PPFIBP2: variants seen among roughly 807,000 people sequenced by gnomAD.
PPFIBP2 encodes the protein PPFIB scaffold protein 2, also known as liprin-beta-2.
PPFIBP2 carries 118 observed loss-of-function variants against 118.3 expected under a neutral mutation model. The observed-to-expected ratio is 1.00, with a 90% CI of 0.86 to 1.16. PPFIBP2 has a LOEUF of 1.16. Among genes scored for constraint, PPFIBP2 ranks in the 50% most tolerant of loss-of-function variants. PPFIBP2 has a pLI of 0.00. For missense variants in PPFIBP2, 1,195 were observed against 1,073.1 expected (o/e 1.11, Z -1.59); for synonymous variants, 414 against 397.4 (o/e 1.04, Z -0.50).
chr11:7,666,040 T>C, the PPFIBP2 span: 1 of 816,632 alleles, frequency 1.2e-6, no homozygotes, highest in Non-Finnish European at 2.0e-6. Context: ...CTGCAGCAGC[T>C]GTCTGGGGGC....
At chr11:7,608,862 T>C (rs1847725689) in intron 5 of PPFIBP2, among the ~76,000 whole-genome samples, 1 of 152,218 alleles carries the variant, frequency 6.6e-6, no homozygotes, top group Non-Finnish European at 1.5e-5. Context: ...AGTTCTCCAT[T>C]GCATTGGACG....
intron 4 of PPFIBP2, among the ~76,000 whole-genome samples, chr11:7,596,386 C>CT (rs1403097809): frequency 7.8e-5 from 9 of 114,804 alleles, no homozygotes; most frequent in African/African-American, 3.1e-4. Context: ...AGAGCCCGTT[C>CT]TTGTTTTTTT....
chr11:7,612,227 G>T (rs971296046), intron 6 of PPFIBP2, among the ~76,000 whole-genome samples: 5 of 152,216 alleles, frequency 3.3e-5, no homozygotes, highest in South Asian at 2.1e-4. Flanking sequence ...GTTCTCCCCA[G>T]GTGGTGACAG....
At chr11:7,665,753 C>T in the PPFIBP2 span, 1 of 1,357,926 alleles carries the variant, frequency 7.4e-7, no homozygotes, top group East Asian at 2.5e-5. Context: ...AGGCTCACTG[C>T]AGGGACCCTG....
chr11:7,567,520 C>A (rs991427158), intron 3 of PPFIBP2, among the ~76,000 whole-genome samples: 9 of 152,202 alleles, frequency 5.9e-5, no homozygotes, highest in African/African-American at 1.9e-4. Flanking sequence ...CATCACTAAC[C>A]TATGCATGGC....
intron 6 of PPFIBP2, among the ~76,000 whole-genome samples, chr11:7,614,715 T>C (rs774826098): frequency 8.5e-5 from 13 of 152,142 alleles, no homozygotes; most frequent in Non-Finnish European, 1.9e-4. Context: ...ATGTAATGTA[T>C]ATAAACTGAG....
rs762152994 is a variant in PPFIBP2 at position 7,648,477 on chromosome 11, C to T, written c.1737C>T (p.Ala579=). The change falls in exon 18 of 24, where the codon GCC becomes GCT. Residue 579 remains alanine (A), a synonymous_variant. Coordinates refer to ENST00000299492, the MANE Select transcript of PPFIBP2 (RefSeq NM_003621.5). Reference sequence around the variant, plus strand: ...GCCTGGCTCAGTATGTGATCTTTGCCAGGCAGTGGGTATCTTCTGGCCACA... The same window carrying T: ...GCCTGGCTCAGTATGTGATCTTTGCTAGGCAGTGGGTATCTTCTGGCCACA... ...DFGLAQYVIF[A]RQWVSSGHTL... is the part of the protein sequence containing the mutation. 1.9e-6 allele frequency: 3 copies of T among 1,613,930 alleles called. No homozygotes were observed. Among genetic ancestry groups the T allele is most frequent in the Non-Finnish European group, 2.5e-6 (3 of 1,180,018 alleles).
intron 1 of PPFIBP2, among the ~76,000 whole-genome samples, chr11:7,542,429 T>C (rs1269078341): frequency 6.6e-6 from 1 of 152,182 alleles, no homozygotes; most frequent in African/African-American, 2.4e-5. Context: ...CCACTATATA[T>C]CCACACAATT....
intron 2 of PPFIBP2, among the ~76,000 whole-genome samples, chr11:7,553,372 A>G (rs1004620889): frequency 6.6e-6 from 1 of 152,186 alleles, no homozygotes; most frequent in Non-Finnish European, 1.5e-5. Flanking sequence ...CATGTTTTCT[A>G]TGCTATTCTT....
intron 10 of PPFIBP2, among the ~76,000 whole-genome samples, chr11:7,629,796 C>T (rs1850515717): frequency 6.6e-6 from 1 of 152,194 alleles, no homozygotes; most frequent in African/African-American, 2.4e-5. Flanking sequence ...ATTCCCCACC[C>T]TTGGAAGGTC....
intron 3 of PPFIBP2, among the ~76,000 whole-genome samples, chr11:7,589,624 A>G (rs1565013695): frequency 6.6e-6 from 1 of 151,838 alleles, no homozygotes; most frequent in East Asian, 1.9e-4. Context: ...AAAAAAAAAA[A>G]CCTCAGAAAA....
chr11:7,593,264 T>C (rs749191106), intron 4 of PPFIBP2, 40 bp downstream of exon 4: 1 of 1,603,232 alleles, frequency 6.2e-7, no homozygotes, highest in Non-Finnish European at 8.5e-7. Flanking sequence ...TCCTGTTACC[T>C]CCTACTATGT....
chr11:7,666,755 A>G, the PPFIBP2 span: 2 of 469,788 alleles, frequency 4.3e-6, no homozygotes, highest in African/African-American at 4.0e-5. Context: ...CTCCATGTGG[A>G]TGAAGAACCT....
At chr11:7,604,909 G>C (rs1443021759) in intron 5 of PPFIBP2, among the ~76,000 whole-genome samples, 2 of 152,212 alleles carry the variant, frequency 1.3e-5, no homozygotes, top group Non-Finnish European at 2.9e-5. Context: ...AACAGGACCA[G>C]AACTCAGAGA....
Position 7,648,384 on chromosome 11 carries a change from C to T in PPFIBP2, c.1647-3C>T. ...AGGAATATGCTGTTTTCCTGCTTCC[C>T]AGTGACGCCAATGCCCCCTTTGCCC... On this transcript the variant is annotated splice_polypyrimidine_tract_variant and splice_region_variant and intron_variant, in intron 17 of 23. Coordinates refer to ENST00000299492, the MANE Select transcript of PPFIBP2 (RefSeq NM_003621.5). The T allele has an allele frequency of 6.2e-7, 1 of 1,608,836 alleles. No individual in the cohort carries two copies. Among genetic ancestry groups the T allele is most frequent in the Non-Finnish European group, 8.5e-7 (1 of 1,175,716 alleles).
chr11:7,549,456 C>A lies in PPFIBP2; in HGVS notation c.-20C>A, dbSNP rs1395042081. 2.1e-5 allele frequency: 32 copies of A among 1,555,172 alleles called. No homozygotes were observed. The highest frequency in any genetic ancestry group is 2.8e-5 in the Non-Finnish European group (32 of 1,148,852). ...AATTTTCAGTAAGAAGAGGAGGAGGCCAGGCAGGCAAAAGGAGTCATGGCT... is the reference window on the plus strand; with the variant it reads ...AATTTTCAGTAAGAAGAGGAGGAGGACAGGCAGGCAAAAGGAGTCATGGCT... On this transcript the variant is annotated 5_prime_UTR_variant, in exon 2 of 24. Transcript: ENST00000299492.
At chr11:7,551,740 A>G (rs1301507040) in intron 2 of PPFIBP2, among the ~76,000 whole-genome samples, 1 of 152,258 alleles carries the variant, frequency 6.6e-6, no homozygotes, top group African/African-American at 2.4e-5. Context: ...TCTAAAGAAA[A>G]GTAGCCTTGT....
chr11:7,645,680 C>T (rs550974199), intron 17 of PPFIBP2, among the ~76,000 whole-genome samples: 8 of 151,892 alleles, frequency 5.3e-5, no homozygotes, highest in South Asian at 2.1e-4. Context: ...GGAGAGGATT[C>T]GCAAAACAAA....
At position 7,552,661 on chromosome 11, in the gene PPFIBP2, C is replaced by T. The variant is rs142473928; in HGVS notation, c.64+3122C>T. ...AGGATAAAGTTTAAAGCCCTTACCACGGCCAGCAAGGTCTTAGCATGGCTT... is the reference window on the plus strand; with the variant it reads ...AGGATAAAGTTTAAAGCCCTTACCATGGCCAGCAAGGTCTTAGCATGGCTT... On this transcript the variant is annotated intron_variant, in intron 2 of 23. Coordinates refer to ENST00000299492, the MANE Select transcript of PPFIBP2 (RefSeq NM_003621.5). Among the ~76,000 whole-genome samples the T allele has an allele frequency of 4.3e-3, 649 of 152,334 alleles. 4 individuals are homozygous for T. The highest frequency in any genetic ancestry group is 0.015 in the African/African-American group (605 of 41,566).
Sources: allele counts gnomAD v4.1 joint callset (sites outside exome capture counted in the v4.1 genomes callset), GRCh38; gene constraint gnomAD v4.1.1; transcripts MANE v1.5; gene names NCBI Gene and HGNC (gene_info 2026-07-23, HGNC 2026-07-21).